SOX6: variants seen among roughly 807,000 people sequenced by gnomAD.
The protein encoded by SOX6 is transcription factor SOX-6.
In SOX6, 11 loss-of-function variants were observed where a neutral mutation model predicts 97.8. The observed-to-expected ratio is 0.11, with a 90% CI of 0.07 to 0.19. The LOEUF (loss-of-function observed/expected upper bound fraction) is 0.19. Among genes scored for constraint, SOX6 ranks in the 10% least tolerant of loss-of-function variants. The probability of loss-of-function intolerance (pLI) is 1.00; values close to 1 mark genes in which losing one functional copy is unlikely to be tolerated. For synonymous variants in SOX6, 360 were observed against 371.4 expected (o/e 0.97, Z 0.35); for missense variants, 810 against 1,039.5 (o/e 0.78, Z 3.04).
intron 2 of SOX6, among the ~76,000 whole-genome samples, chr11:16,728,943 T>G (rs528034448): frequency 1.3e-5 from 2 of 152,176 alleles, no homozygotes; most frequent in African/African-American, 4.8e-5. Context: ...TACACAAGTA[T>G]CAATGCCCAA....
chr11:16,683,132 T>C (rs1275674004), intron 3 of SOX6, among the ~76,000 whole-genome samples: 2 of 152,176 alleles, frequency 1.3e-5, no homozygotes, highest in African/African-American at 4.8e-5. Flanking sequence ...ATAGGAAGAA[T>C]CAATATCGTG....
At chr11:16,160,927 C>T (rs997546935) in intron 6 of SOX6, among the ~76,000 whole-genome samples, 5 of 152,166 alleles carry the variant, frequency 3.3e-5, no homozygotes, top group South Asian at 4.1e-4. Flanking sequence ...GATCCAAAAC[C>T]GATGATACTA....
intron 4 of SOX6, among the ~76,000 whole-genome samples, chr11:16,528,435 G>A (rs1455459481): frequency 1.3e-5 from 2 of 152,026 alleles, no homozygotes; most frequent in Non-Finnish European, 2.9e-5. Context: ...TGTGTGAAGG[G>A]AGGGCTAGGG....
At chr11:15,991,595 T>C (rs1311920397) in intron 13 of SOX6, among the ~76,000 whole-genome samples, 1 of 152,368 alleles carries the variant, frequency 6.6e-6, no homozygotes, top group African/African-American at 2.4e-5. Flanking sequence ...TTATTCTAAG[T>C]TAACTGCTAT....
chr11:16,721,197 T>G (rs901394581), intron 2 of SOX6, among the ~76,000 whole-genome samples: 4 of 152,094 alleles, frequency 2.6e-5, no homozygotes, highest in Non-Finnish European at 4.4e-5. Context: ...AAGCTTAGAG[T>G]CCTTCCTAAG....
chr11:16,722,062 C>G (rs377671287), intron 2 of SOX6, among the ~76,000 whole-genome samples: 5 of 151,954 alleles, frequency 3.3e-5, no homozygotes, highest in South Asian at 4.2e-4. Context: ...AATGTAAAAC[C>G]AAAAACTATA....
At chr11:16,222,737 T>C (rs1852579624) in intron 4 of SOX6, among the ~76,000 whole-genome samples, 1 of 152,104 alleles carries the variant, frequency 6.6e-6, no homozygotes, top group Non-Finnish European at 1.5e-5. Flanking sequence ...ATATGATGTG[T>C]TGTTGCCTAC....
At chr11:16,304,685 T>C (rs549430463) in intron 3 of SOX6, among the ~76,000 whole-genome samples, 1 of 152,330 alleles carries the variant, frequency 6.6e-6, no homozygotes, top group East Asian at 1.9e-4. Context: ...GTTCGTCTTA[T>C]ATCCTGTGAC....
intron 4 of SOX6, among the ~76,000 whole-genome samples, chr11:16,515,191 C>T (rs1219186810): frequency 6.6e-6 from 1 of 151,960 alleles, no homozygotes; most frequent in African/African-American, 2.4e-5. Flanking sequence ...TATTTCTCCA[C>T]ATCCTCTCCA....
intron 9 of SOX6, among the ~76,000 whole-genome samples, chr11:16,069,634 G>T (rs1397720115): frequency 6.6e-6 from 1 of 152,020 alleles, no homozygotes; most frequent in Non-Finnish European, 1.5e-5. Flanking sequence ...TCATGTTAAG[G>T]TGTTTTCAGA....
At chr11:16,227,458 G>T (rs990479453) in intron 4 of SOX6, among the ~76,000 whole-genome samples, 1 of 150,980 alleles carries the variant, frequency 6.6e-6, no homozygotes, top group African/African-American at 2.4e-5. Flanking sequence ...TTTCAAGACA[G>T]GGTCTCACTC....
intron 4 of SOX6, among the ~76,000 whole-genome samples, chr11:16,225,962 T>G (rs1274562666): frequency 6.6e-6 from 1 of 152,178 alleles, no homozygotes; most frequent in Non-Finnish European, 1.5e-5. Context: ...AAAACCCTAA[T>G]AAAGTAACAG....
chr11:16,357,797 A>G (rs1318395457), upstream of SOX6, among the ~76,000 whole-genome samples: 1 of 152,172 alleles, frequency 6.6e-6, no homozygotes, highest in Non-Finnish European at 1.5e-5. Context: ...CACCAACGAA[A>G]TCCCATAATA....
At chr11:16,097,807 T>C (rs1167047822) in intron 7 of SOX6, 119 bp from the exon 8 acceptor site, 2 of 947,988 alleles carry the variant, frequency 2.1e-6, no homozygotes, top group Non-Finnish European at 3.4e-6. Flanking sequence ...CCCAAACATC[T>C]GCAGAAACAA....
chr11:16,012,469 G>A (rs997976959), intron 13 of SOX6, among the ~76,000 whole-genome samples: 7 of 151,948 alleles, frequency 4.6e-5, no homozygotes, highest in Admixed American at 2.6e-4. Context: ...CTTCTAAAGG[G>A]AGGTTTTCAC....
In SOX6 at chr11:16,015,018, C is replaced by T; in HGVS notation, c.1656G>A (p.Gln552=). 1.9e-6 allele frequency: 3 copies of T among 1,612,956 alleles called. No individual in the cohort carries two copies. Among genetic ancestry groups the T allele is most frequent in the East Asian group, 2.2e-5 (1 of 44,814 alleles). ...CATCTTCATTTGACTTTCCCGTTAA[C>T]TGGGGCCCCAAATTCTCAAAGCGCG... The part of the protein sequence containing the change: ...ERTRFENLGP[Q]LTGKSNEDGK... Residue 552 remains glutamine, a synonymous_variant, in exon 13 of 16, where the codon CAG becomes CAA. Transcript: ENST00000683767.
rs1253238922 is a variant in SOX6, at chr11:16,015,011, C to T, written c.1663G>A (p.Gly555Arg). Reference protein sequence around the residue: ...RFENLGPQLTGKSNEDGKLGP... With the variant: ...RFENLGPQLTRKSNEDGKLGP... ...AGTTTTCCATCTTCATTTGACTTTC[C>T]CGTTAACTGGGGCCCCAAATTCTCA... is the stretch of plus-strand genomic sequence containing the variant. The change falls in exon 13 of 16, where the codon GGA becomes AGA. Residue 555 changes from glycine (G) to arginine (R), a missense_variant. Gly to Arg is a moderately radical substitution (Grantham distance 125). Coordinates refer to ENST00000683767, the MANE Select transcript of SOX6 (RefSeq NM_001367873.1). 4.3e-6 allele frequency: 7 copies of T among 1,612,820 alleles called. No individual in the cohort carries two copies. The highest frequency in any genetic ancestry group is 1.1e-5 in the South Asian group (1 of 91,070).
At chr11:16,272,018 C>T (rs1206850366) in intron 3 of SOX6, among the ~76,000 whole-genome samples, 1 of 150,984 alleles carries the variant, frequency 6.6e-6, no homozygotes, top group Non-Finnish European at 1.5e-5. Context: ...AAAATGTATT[C>T]CATAAATTTC....
At chr11:16,118,341 G>A (rs1332928806) in intron 6 of SOX6, among the ~76,000 whole-genome samples, 2 of 152,218 alleles carry the variant, frequency 1.3e-5, no homozygotes, top group African/African-American at 4.8e-5. Context: ...TAGGCTACAT[G>A]CCCAGAAATT....
Sources: gnomAD v4.1 joint callset for allele counts (sites outside exome capture counted in the v4.1 genomes callset) on GRCh38, gnomAD v4.1.1 for gene constraint, MANE v1.5 for transcripts, NCBI Gene and HGNC (gene_info 2026-07-23, HGNC 2026-07-21) for gene names.